The following CHRM3 variants were observed in gnomAD, a reference collection of about 807,000 sequenced individuals.
CHRM3 encodes the protein cholinergic receptor muscarinic 3.
Under a neutral mutation model 41.8 loss-of-function variants are expected in CHRM3, and 11 were observed. That is an observed-to-expected ratio of 0.26 (90% CI 0.17 to 0.44). The LOEUF (loss-of-function observed/expected upper bound fraction) is 0.44, where lower values mean the gene tolerates loss of function less well. Ranked by LOEUF, CHRM3 falls within the 20% of genes least tolerant of loss-of-function variation. The probability of loss-of-function intolerance (pLI) is 1.00; values close to 1 mark genes in which losing one functional copy is unlikely to be tolerated. For synonymous variants in CHRM3, 297 were observed against 301.4 expected (o/e 0.99, Z 0.15); for missense variants, 571 against 745.4 (o/e 0.77, Z 2.72).
At chr1:239,454,215 T>C (rs1664762332) in intron 1 of CHRM3, among the ~76,000 whole-genome samples, 1 of 152,152 alleles carries the variant, frequency 6.6e-6, no homozygotes, top group Non-Finnish European at 1.5e-5. Flanking sequence ...AGTCTGAGCT[T>C]CTGGAGCTTC....
intron 6 of CHRM3, among the ~76,000 whole-genome samples, chr1:239,873,778 C>T (rs985298462): frequency 2.6e-5 from 4 of 152,170 alleles, no homozygotes; most frequent in Admixed American, 2.6e-4. Flanking sequence ...TGCTGCCATA[C>T]TTGCCTCGTT....
chr1:239,685,411 G>T (rs1659037177), intron 5 of CHRM3, among the ~76,000 whole-genome samples: 1 of 152,114 alleles, frequency 6.6e-6, no homozygotes, highest in African/African-American at 2.4e-5. Flanking sequence ...ACAAGAAGGG[G>T]GTTGTAACCC....
chr1:239,808,625 A>T (rs1670856883), intron 5 of CHRM3, among the ~76,000 whole-genome samples: 1 of 152,210 alleles, frequency 6.6e-6, no homozygotes, highest in Non-Finnish European at 1.5e-5. Context: ...CTTCGTGATA[A>T]GCCCTACCGC....
intron 3 of CHRM3, among the ~76,000 whole-genome samples, chr1:239,621,349 A>G (rs889283375): frequency 4.6e-5 from 7 of 152,172 alleles, no homozygotes; most frequent in Non-Finnish European, 1.0e-4. Flanking sequence ...GTCTTACAAC[A>G]GCCTCTAAGT....
At chr1:239,487,601 G>A (rs1667261257) in intron 1 of CHRM3, among the ~76,000 whole-genome samples, 1 of 152,092 alleles carries the variant, frequency 6.6e-6, no homozygotes, top group Non-Finnish European at 1.5e-5. Context: ...CAAGTTTTTA[G>A]ATAGGGAGAT....
Position 239,461,411 on chromosome 1 carries a change from G to T in CHRM3, c.-520-31298G>T, listed in dbSNP as rs543351679. 3.9e-5 allele frequency among the ~76,000 whole-genome samples: 6 copies of T among 152,164 alleles called. No homozygotes were observed. The South Asian group carries it at 1.2e-3, about 32-fold the overall frequency. Reference sequence around the variant, plus strand: ...CTAGCTCAGGGGGAAATAATTTAAAGATGACAAAATTTGCAAAAGCTGATT... The same window carrying T: ...CTAGCTCAGGGGGAAATAATTTAAATATGACAAAATTTGCAAAAGCTGATT... On this transcript the variant is annotated intron_variant, in intron 1 of 6. Transcript: ENST00000676153.
chr1:239,391,969 C>A (rs557152881), intron 1 of CHRM3, among the ~76,000 whole-genome samples: 1 of 152,204 alleles, frequency 6.6e-6, no homozygotes, highest in African/African-American at 2.4e-5. Flanking sequence ...CTCATGCCCC[C>A]CTCACCTCAG....
intron 5 of CHRM3, among the ~76,000 whole-genome samples, chr1:239,717,031 C>G (rs113700309): frequency 5.8e-4 from 84 of 144,582 alleles, no homozygotes; most frequent in African/African-American, 2.0e-3. Context: ...AACAAATGTT[C>G]TCAATCACTT....
At chr1:239,522,296 C>G (rs1669701484) in intron 2 of CHRM3, among the ~76,000 whole-genome samples, 1 of 152,218 alleles carries the variant, frequency 6.6e-6, no homozygotes, top group South Asian at 2.1e-4. Flanking sequence ...GAGAGGGTCA[C>G]ATGGAGACAA....
chr1:239,801,093 G>A lies in CHRM3; in HGVS notation c.-146-26159G>A, dbSNP rs1670178675. ...TAGTTAGCCTGATTGTAGTACTGAT[G>A]ACAACCACTAACATTTATTGGACTG... On this transcript the variant is annotated intron_variant, in intron 5 of 6. Transcript: ENST00000676153. 2.0e-5 allele frequency among the ~76,000 whole-genome samples: 3 copies of A among 152,302 alleles called. No homozygotes were observed. The South Asian group carries it at 6.2e-4, about 32-fold the overall frequency.
chr1:239,406,950 T>C (rs1253932379), intron 1 of CHRM3, among the ~76,000 whole-genome samples: 1 of 152,194 alleles, frequency 6.6e-6, no homozygotes, highest in Non-Finnish European at 1.5e-5. Flanking sequence ...TTTGGAGAGA[T>C]ACCAGGCATT....
At chr1:239,797,329 A>C (rs971382707) in intron 5 of CHRM3, among the ~76,000 whole-genome samples, 62 of 152,084 alleles carry the variant, frequency 4.1e-4, no homozygotes, top group African/African-American at 1.4e-3. Context: ...GCAAACCTGC[A>C]CATGTACCCC....
chr1:239,895,861 T>C (rs1050263073), intron 6 of CHRM3, among the ~76,000 whole-genome samples: 2 of 152,150 alleles, frequency 1.3e-5, no homozygotes, highest in African/African-American at 4.8e-5. Flanking sequence ...AAATCTCCTG[T>C]TGGGTACTAT....
Position 239,907,703 on chromosome 1 carries a change from C to G in CHRM3, c.252C>G (p.Ile84Met). Residue 84 changes from isoleucine to methionine, a missense_variant, in exon 7 of 7, where the codon ATC becomes ATG. By Grantham distance (10) the Ile-to-Met change is conservative. Coordinates refer to ENST00000676153, the MANE Select transcript of CHRM3 (RefSeq NM_001375978.1). The surrounding 1 kb of genome is among the most constrained non-coding windows in gnomAD (Gnocchi z 5.4). Reference protein sequence around the residue: ...LTGILALVTIIGNILVIVSFK... With the variant: ...LTGILALVTIMGNILVIVSFK... ...GCATCCTGGCCTTGGTGACCATCAT[C>G]GGCAACATCCTGGTAATTGTGTCAT... 5 of 1,614,166 alleles carry G rather than the reference C, an allele frequency of 3.1e-6. No homozygotes were observed. The highest frequency in any genetic ancestry group is 4.2e-6 in the Non-Finnish European group (5 of 1,180,036).
At chr1:239,693,004 T>A (rs1659859642) in intron 5 of CHRM3, among the ~76,000 whole-genome samples, 1 of 152,308 alleles carries the variant, frequency 6.6e-6, no homozygotes, top group Admixed American at 6.5e-5. Context: ...TAAGTGTACA[T>A]CTTAAGTGCA....
At chr1:239,546,645 CAT>C (rs748816309) in intron 3 of CHRM3, 3 of 152,100 alleles carry the variant, frequency 2.0e-5, no homozygotes, top group Non-Finnish European at 2.9e-5. Context: ...TGAGGAAACA[CAT>C]GTTTCTCACA....
chr1:239,434,163 T>TTA lies in CHRM3; in HGVS notation c.-521+46937_-521+46938dup, dbSNP rs545953672. Among the ~76,000 whole-genome samples, 140 of 152,338 alleles carry TTA rather than the reference T, an allele frequency of 9.2e-4. 1 individual carries two copies. The highest frequency in any genetic ancestry group is 3.3e-3 in the African/African-American group (137 of 41,578). On this transcript the variant is annotated intron_variant, in intron 1 of 6. Coordinates refer to ENST00000676153, the MANE Select transcript of CHRM3 (RefSeq NM_001375978.1). Reference sequence around the variant, plus strand: ...TTTTAAGGATCACAGTCTCATCAGATTACTGCCTTGTTGGAAATTCTTGGA... The same window carrying TTA: ...TTTTAAGGATCACAGTCTCATCAGATTATACTGCCTTGTTGGAAATTCTTGGA...
At chr1:239,819,050 A>G (rs1055269457) in intron 5 of CHRM3, among the ~76,000 whole-genome samples, 1 of 152,136 alleles carries the variant, frequency 6.6e-6, no homozygotes, top group Non-Finnish European at 1.5e-5. Context: ...GTCTAAAACA[A>G]TGGCTTCCCA....
At position 239,709,442 on chromosome 1, in the gene CHRM3, T is replaced by C. The variant is rs575066711; in HGVS notation, c.-147+31154T>C. ...TTGTTTTTTTCCGTAAAGCAGCCAA[T>C]GTTACCTTATAAATTTAGCTGCCAT... On this transcript the variant is annotated intron_variant, in intron 5 of 6. Transcript: ENST00000676153. 3.1e-4 allele frequency among the ~76,000 whole-genome samples: 47 copies of C among 152,284 alleles called. No homozygotes were observed. The South Asian group carries it at 3.5e-3, about 11-fold the overall frequency.
Sources: gnomAD v4.1 joint callset for allele counts (sites outside exome capture counted in the v4.1 genomes callset) on GRCh38, gnomAD v4.1.1 for gene constraint, Gnocchi (gnomAD v3.1) non-coding constraint, MANE v1.5 for transcripts, NCBI Gene and HGNC (gene_info 2026-07-23, HGNC 2026-07-21) for gene names.